ZCCHC7: variants seen among roughly 807,000 people sequenced by gnomAD.
The protein encoded by ZCCHC7 is zinc finger CCHC-type containing 7.
Under a neutral mutation model 52.0 loss-of-function variants are expected in ZCCHC7, and 35 were observed. That is an observed-to-expected ratio of 0.67 (90% CI 0.51 to 0.89). The LOEUF (loss-of-function observed/expected upper bound fraction) is 0.89, where lower values mean the gene tolerates loss of function less well. Among genes scored for constraint, ZCCHC7 ranks in the 40% least tolerant of loss-of-function variants. The pLI is 0.00. For synonymous variants in ZCCHC7, 217 were observed against 221.5 expected, an observed-to-expected ratio of 0.98 and a Z score of 0.18; for missense variants, 574 against 649.1, an observed-to-expected ratio of 0.88 and a Z score of 1.26.
intron 2 of ZCCHC7, among the ~76,000 whole-genome samples, chr9:37,277,790 T>C (rs552035985): frequency 1.4e-4 from 21 of 152,236 alleles, no homozygotes; most frequent in African/African-American, 4.8e-4. Flanking sequence ...TTGTCAAATA[T>C]TTGATCCTTG....
chr9:37,212,140 G>T (rs1588490035), intron 2 of ZCCHC7, among the ~76,000 whole-genome samples: 2 of 137,492 alleles, frequency 1.5e-5, no homozygotes, highest in South Asian at 2.6e-4. Flanking sequence ...AGACATTTTT[G>T]ATTGTTACAA....
intron 6 of ZCCHC7, among the ~76,000 whole-genome samples, chr9:37,331,419 G>A (rs1373735265): frequency 6.6e-6 from 1 of 151,532 alleles, no homozygotes; most frequent in Admixed American, 6.6e-5. Context: ...TTCACAGTTT[G>A]GAGTTTTATA....
intron 6 of ZCCHC7, among the ~76,000 whole-genome samples, chr9:37,339,469 A>G (rs887619297): frequency 3.3e-5 from 5 of 152,228 alleles, no homozygotes; most frequent in African/African-American, 4.8e-5. Context: ...TCAGTTCACT[A>G]TAAAACAGTT....
intron 8 of ZCCHC7, among the ~76,000 whole-genome samples, chr9:37,356,254 G>A (rs1021879406): frequency 2.1e-4 from 32 of 151,252 alleles, no homozygotes; most frequent in African/African-American, 7.9e-4. Context: ...TATTAAGCGT[G>A]TCAAGCTCTG....
chr9:37,169,167 TAGTC>T (rs1353251681), intron 2 of ZCCHC7, among the ~76,000 whole-genome samples: 1 of 152,226 alleles, frequency 6.6e-6, no homozygotes. Flanking sequence ...ACAGGGGTCA[TAGTC>T]AGGATACTGC....
rs143789241 is a variant in ZCCHC7, at chr9:37,243,791, A to G, written c.611-58397A>G. On this transcript the variant is annotated intron_variant, in intron 2 of 8. Transcript: ENST00000336755. Reference sequence around the variant, plus strand: ...TTCAATCTGTAGATACAACTGTATCAGCAAAATGTTGATCAAAGTTCAAGT... The same window carrying G: ...TTCAATCTGTAGATACAACTGTATCGGCAAAATGTTGATCAAAGTTCAAGT... Among the ~76,000 whole-genome samples, 311 of 152,024 alleles carry G rather than the reference A, an allele frequency of 2.0e-3. 3 individuals are homozygous for G. Among genetic ancestry groups the G allele is most frequent in the South Asian group, 0.02 (96 of 4,824 alleles).
At chr9:37,293,513 T>C (rs1588625168) in intron 2 of ZCCHC7, among the ~76,000 whole-genome samples, 1 of 152,308 alleles carries the variant, frequency 6.6e-6, no homozygotes, top group African/African-American at 2.4e-5. Context: ...TTTATGCTTG[T>C]CATTTTACAG....
chr9:37,265,576 A>T (rs1277944887), intron 2 of ZCCHC7, among the ~76,000 whole-genome samples: 2 of 152,352 alleles, frequency 1.3e-5, no homozygotes, highest in East Asian at 3.9e-4. Context: ...CTACTTAAGT[A>T]GTATTTGCAT....
intron 1 of ZCCHC7, among the ~76,000 whole-genome samples, chr9:37,125,135 G>A (rs1481942521): frequency 6.6e-6 from 1 of 152,230 alleles, no homozygotes; most frequent in Non-Finnish European, 1.5e-5. Flanking sequence ...ACAGGCGTGA[G>A]CCACTGCACT....
chr9:37,120,391 C>G (rs1383706868), upstream of ZCCHC7: 1 of 387,096 alleles, frequency 2.6e-6, no homozygotes, highest in East Asian at 3.7e-5. Context: ...GAAGGCAAAC[C>G]TAATAATTAT....
At chr9:37,356,583 T>C (rs771147940) in intron 8 of ZCCHC7, among the ~76,000 whole-genome samples, 7 of 152,220 alleles carry the variant, frequency 4.6e-5, no homozygotes, top group Non-Finnish European at 8.8e-5. Context: ...TTCTTACAGG[T>C]CCTCATCTCC....
At chr9:37,227,151 T>G (rs1183984457) in intron 2 of ZCCHC7, among the ~76,000 whole-genome samples, 1 of 151,650 alleles carries the variant, frequency 6.6e-6, no homozygotes, top group Admixed American at 6.6e-5. Flanking sequence ...AAATTTAAAA[T>G]ATGTAGACTT....
chr9:37,293,296 C>T (rs1448585329), intron 2 of ZCCHC7, among the ~76,000 whole-genome samples: 1 of 151,790 alleles, frequency 6.6e-6, no homozygotes, highest in Non-Finnish European at 1.5e-5. Context: ...CACCAAGGAA[C>T]AAGTAAGCAG....
chr9:37,154,571 C>A (rs755605715), intron 2 of ZCCHC7, among the ~76,000 whole-genome samples: 28 of 152,186 alleles, frequency 1.8e-4, no homozygotes, highest in Non-Finnish European at 3.2e-4. Flanking sequence ...TAGCCCCGAC[C>A]TCCTGGGCTT....
At chr9:37,190,311 T>C (rs1436976189) in intron 2 of ZCCHC7, among the ~76,000 whole-genome samples, 1 of 152,182 alleles carries the variant, frequency 6.6e-6, no homozygotes, top group Non-Finnish European at 1.5e-5. Context: ...TAGGGAATTT[T>C]CTTCATTCTA....
intron 2 of ZCCHC7, among the ~76,000 whole-genome samples, chr9:37,273,732 C>T (rs917215951): frequency 1.3e-5 from 2 of 152,162 alleles, no homozygotes; most frequent in Admixed American, 1.3e-4. Flanking sequence ...TCTCTGATTA[C>T]TAGTCAGGCT....
chr9:37,133,023 G>A (rs1340319021), intron 2 of ZCCHC7, among the ~76,000 whole-genome samples: 2 of 152,146 alleles, frequency 1.3e-5, no homozygotes, highest in East Asian at 3.9e-4. Context: ...TGTAATCCCA[G>A]CCTCAGAGGC....
At chr9:37,174,758 C>G (rs555842590) in intron 2 of ZCCHC7, among the ~76,000 whole-genome samples, 54 of 152,228 alleles carry the variant, frequency 3.5e-4, no homozygotes, top group African/African-American at 1.3e-3. Context: ...GGAGTATTCA[C>G]TGTCTAGGAA....
intron 2 of ZCCHC7, among the ~76,000 whole-genome samples, chr9:37,244,610 C>G (rs1018738066): frequency 1.3e-5 from 2 of 151,606 alleles, no homozygotes; most frequent in African/African-American, 4.8e-5. Flanking sequence ...TTATTTTTGC[C>G]AAGACAGTTT....
Sources: allele counts gnomAD v4.1 joint callset (sites outside exome capture counted in the v4.1 genomes callset), GRCh38; gene constraint gnomAD v4.1.1; transcripts MANE v1.5; gene names NCBI Gene and HGNC (gene_info 2026-07-23, HGNC 2026-07-21).